The following DYNC2H1 variants were observed in gnomAD, a reference collection of about 807,000 sequenced individuals.
The protein encoded by DYNC2H1 is dynein cytoplasmic 2 heavy chain 1, also known as cytoplasmic dynein 2 heavy chain 1.
A neutral mutation model predicts 570.0 loss-of-function variants in DYNC2H1; 410 were observed. The ratio of observed to expected loss-of-function variants is 0.72; its 90% CI spans 0.66 to 0.78. DYNC2H1 has a LOEUF of 0.78. DYNC2H1 is among the 30% of genes least tolerant of loss of function. The pLI, the probability that DYNC2H1 is intolerant of heterozygous loss-of-function variation, is 0.00. For missense variants in DYNC2H1, 4,865 were observed against 5,046.4 expected, an observed-to-expected ratio of 0.96 and a Z score of 1.09; for synonymous variants, 1,688 against 1,677.6, an observed-to-expected ratio of 1.01 and a Z score of -0.15.
At chr11:103,291,437 C>CAATAAATA (rs749615097) in intron 75 of DYNC2H1, among the ~76,000 whole-genome samples, 9 of 130,088 alleles carry the variant, frequency 6.9e-5, no homozygotes, top group East Asian at 4.7e-4. Context: ...GCCTCCATCT[C>CAATAAATA]AATAAATAAA....
At chr11:103,176,101 G>A (rs1414953634) in intron 36 of DYNC2H1, 134 bp from the exon 37 acceptor site, 6 of 607,788 alleles carry the variant, frequency 9.9e-6, no homozygotes, top group African/African-American at 2.0e-5. Flanking sequence ...TTCATGTGAT[G>A]TAATGTCTTT....
chr11:103,128,826 G>C, intron 12 of DYNC2H1, 84 bp from the exon 13 acceptor site: 1 of 1,185,804 alleles, frequency 8.4e-7, no homozygotes, highest in Non-Finnish European at 1.2e-6. Flanking sequence ...ATTGAGAAAA[G>C]TTAACATTTT....
chr11:103,411,733 G>A (rs1943098177), intron 84 of DYNC2H1, among the ~76,000 whole-genome samples: 1 of 151,572 alleles, frequency 6.6e-6, no homozygotes, highest in Non-Finnish European at 1.5e-5. Context: ...GATCTACTAA[G>A]TATTTCATTA....
intron 79 of DYNC2H1, among the ~76,000 whole-genome samples, chr11:103,315,093 C>T (rs79671688): frequency 0.17 from 25,123 of 151,718 alleles, 2,252 homozygotes; most frequent in Admixed American, 0.25. Context: ...CCACAATGTT[C>T]TTTTTTTAAA....
In DYNC2H1 at chr11:103,244,820, A is replaced by G. The variant is rs1864550002; in HGVS notation, c.9919-431A>G. Among the ~76,000 whole-genome samples the G allele has an allele frequency of 6.7e-6, 1 of 150,330 alleles. No homozygotes were observed. Among genetic ancestry groups the G allele is most frequent in the South Asian group, 2.1e-4 (1 of 4,822 alleles). ...TATATAGTCATAGTTATAGACATAT[A>G]AGTAACTATATAGTTACTTTTATAT... On this transcript the variant is annotated intron_variant, in intron 64 of 88. Transcript: ENST00000375735. The surrounding 1 kb of genome is among the most constrained non-coding windows in gnomAD (Gnocchi z 4.3).
intron 82 of DYNC2H1, among the ~76,000 whole-genome samples, chr11:103,344,538 C>T (rs547270960): frequency 6.6e-6 from 1 of 152,148 alleles, no homozygotes; most frequent in South Asian, 2.1e-4. Flanking sequence ...TTCCTTTTGT[C>T]TGGAACATTC....
At chr11:103,223,751 A>ATTT (rs58624728) in intron 59 of DYNC2H1, among the ~76,000 whole-genome samples, 15 of 143,582 alleles carry the variant, frequency 1.0e-4, no homozygotes, top group African/African-American at 3.4e-4. Context: ...TTATTTATTG[A>ATTT]TTTTTTTTTT....
At chr11:103,147,702 ATAT>A (rs1158398108) in intron 18 of DYNC2H1, 67 bp from the exon 19 acceptor site, 1 of 873,152 alleles carries the variant, frequency 1.1e-6, no homozygotes, top group African/African-American at 1.7e-5. Context: ...AATCATTATA[ATAT>A]TATATGAGAC....
chr11:103,293,249 C>T (rs1292780532), intron 75 of DYNC2H1, among the ~76,000 whole-genome samples: 2 of 152,124 alleles, frequency 1.3e-5, no homozygotes, highest in Non-Finnish European at 2.9e-5. Flanking sequence ...ATCCCCCTCC[C>T]TCATGGCATG....
chr11:103,192,106 A>G lies in DYNC2H1; in HGVS notation c.7550A>G (p.Asn2517Ser). The change falls in exon 47 of 89, where the codon AAC becomes AGC. Residue 2517 changes from asparagine to serine, a missense_variant. Physicochemically the swap from Asn to Ser is conservative, Grantham distance 46 (BLOSUM62 1). Around this residue, in one of 5 missense-constraint regions of DYNC2H1, gnomAD observed 2,401 missense variants for 2,454.6 expected, o/e 0.98. Transcript: ENST00000375735. ...FRYDLEGGSSNHPLDYVLEIV... is the reference protein window; with the variant it reads ...FRYDLEGGSSSHPLDYVLEIV... ...ATTTTGCCTTTTCTAGGATCCTCAA[A>G]CCATCCACTAGATTATGTGTTAGAA... 6.6e-7 allele frequency: 1 copy of G among 1,507,072 alleles called. No homozygotes were observed. Among genetic ancestry groups the G allele is most frequent in the Non-Finnish European group, 8.9e-7 (1 of 1,119,650 alleles). 93.4% of individuals were successfully genotyped at this position (1,507,072 alleles called of 1,614,324 possible). A position where few individuals can be genotyped will look rare whatever the true frequency, so the allele number is the denominator to read the frequency against.
Position 103,415,746 on chromosome 11 carries a change from T to G in DYNC2H1, c.12366+15874T>G, listed in dbSNP as rs1943256928. On this transcript the variant is annotated intron_variant, in intron 84 of 88. Coordinates refer to ENST00000375735, the MANE Select transcript of DYNC2H1 (RefSeq NM_001377.3). ...CCATTGTGGAAGACAGTGTGGCGAT[T>G]CCTCAAGGATCTGGAACTAGAATTA... Among the ~76,000 whole-genome samples, 3 of 152,314 alleles carry G rather than the reference T, an allele frequency of 2.0e-5. No homozygotes were observed. The South Asian group carries it at 6.2e-4, about 32-fold the overall frequency.
rs530822390 is a variant in DYNC2H1 at position 103,370,852 on chromosome 11, A to G, written c.12156+12493A>G. ...CTGGAAAGCCTTTCTAAGAAGGTAC[A>G]AACAATCCCAGACTGAGAAAACTAC... is the stretch of plus-strand genomic sequence containing the variant. On this transcript the variant is annotated intron_variant, in intron 83 of 88. Coordinates refer to ENST00000375735, the MANE Select transcript of DYNC2H1 (RefSeq NM_001377.3). Among the ~76,000 whole-genome samples the G allele has an allele frequency of 1.7e-4, 26 of 152,248 alleles. No individual in the cohort carries two copies. In the Middle Eastern group the frequency reaches 0.017, roughly 100 times the overall value.
intron 82 of DYNC2H1, 106 bp from the exon 83 acceptor site, chr11:103,358,137 G>T: frequency 1.7e-6 from 1 of 594,600 alleles, no homozygotes; most frequent in Non-Finnish European, 2.9e-6. Context: ...AACATTTTTG[G>T]TCTCTATTTT....
chr11:103,116,351 A>C (rs911709379), intron 4 of DYNC2H1, among the ~76,000 whole-genome samples: 1 of 152,156 alleles, frequency 6.6e-6, no homozygotes, highest in Non-Finnish European at 1.5e-5. Context: ...TAGACTTTTT[A>C]CAATTTTTAT....
chr11:103,412,577 C>T (rs1943130607), intron 84 of DYNC2H1, among the ~76,000 whole-genome samples: 1 of 152,038 alleles, frequency 6.6e-6, no homozygotes, highest in Admixed American at 6.6e-5. Flanking sequence ...GCCAACATAT[C>T]TATTGGTTAT....
chr11:103,125,681 C>T (rs2134736537), intron 12 of DYNC2H1, among the ~76,000 whole-genome samples: 1 of 152,222 alleles, frequency 6.6e-6, no homozygotes, highest in African/African-American at 2.4e-5. Flanking sequence ...TCTCAGTCTA[C>T]CTATGGGCAC....
At chr11:103,208,658 G>A (rs970821925) in intron 52 of DYNC2H1, among the ~76,000 whole-genome samples, 3 of 152,044 alleles carry the variant, frequency 2.0e-5, no homozygotes, top group African/African-American at 7.2e-5. Context: ...GCAACTAGAA[G>A]CAATTGAAAG....
intron 85 of DYNC2H1, among the ~76,000 whole-genome samples, chr11:103,442,167 G>A (rs11225799): frequency 0.18 from 27,307 of 151,716 alleles, 2,664 homozygotes; most frequent in Admixed American, 0.26. Context: ...TTATTCATTC[G>A]GTGAATATTT....
At chr11:103,137,533 T>C (rs1372378892) in intron 17 of DYNC2H1, among the ~76,000 whole-genome samples, 3 of 152,200 alleles carry the variant, frequency 2.0e-5, no homozygotes, top group African/African-American at 7.2e-5. Flanking sequence ...GATCAGATAG[T>C]TGTAGATAAG....
Sources: allele counts gnomAD v4.1 joint callset (sites outside exome capture counted in the v4.1 genomes callset), GRCh38; gene constraint gnomAD v4.1.1; regional missense constraint gnomAD v4.1.1; non-coding constraint Gnocchi (gnomAD v3.1); transcripts MANE v1.5; gene names NCBI Gene and HGNC (gene_info 2026-07-23, HGNC 2026-07-21).